DACH1: variants seen among roughly 807,000 people sequenced by gnomAD.
DACH1 encodes dachshund family transcription factor 1.
Under a neutral mutation model 54.2 loss-of-function variants are expected in DACH1, and 12 were observed. That is an observed-to-expected ratio of 0.22 (90% confidence interval 0.14 to 0.36). The LOEUF is 0.36. DACH1 is among the 10% of genes least tolerant of loss of function. The probability of loss-of-function intolerance (pLI) is 1.00; values close to 1 mark genes in which losing one functional copy is unlikely to be tolerated. For synonymous variants in DACH1, 386 were observed against 366.2 expected (o/e 1.05, Z -0.62); for missense variants, 805 against 929.8 (o/e 0.87, Z 1.75).
At chr13:71,545,865 A>G (rs1216080611) in intron 6 of DACH1, among the ~76,000 whole-genome samples, 1 of 152,030 alleles carries the variant, frequency 6.6e-6, no homozygotes, top group African/African-American at 2.4e-5. Context: ...AACATAAGGG[A>G]AGATAATTAT....
At chr13:71,531,900 C>A (rs1275930642) in intron 6 of DACH1, among the ~76,000 whole-genome samples, 1 of 151,712 alleles carries the variant, frequency 6.6e-6, no homozygotes, top group African/African-American at 2.4e-5. Context: ...ATTTTTATAT[C>A]ATTCTTTTGA....
Position 71,495,833 on chromosome 13 carries a change from G to A in DACH1, c.1571-6685C>T, listed in dbSNP as rs1456524800. Among the ~76,000 whole-genome samples, 7 of 152,118 alleles carry A rather than the reference G, an allele frequency of 4.6e-5. No homozygotes were observed. In the East Asian group the frequency reaches 1.2e-3, roughly 25 times the overall value. On this transcript the variant is annotated intron_variant, in intron 6 of 10. Coordinates refer to ENST00000613252, the MANE Select transcript of DACH1 (RefSeq NM_080759.6). ...ATACCAGCCCATAAGGAAAGAAATC[G>A]TTATATCAAAAAGATACTTGCACTT...
chr13:71,629,515 T>G (rs927447211), intron 3 of DACH1, among the ~76,000 whole-genome samples: 8 of 152,192 alleles, frequency 5.3e-5, no homozygotes, highest in Non-Finnish European at 1.0e-4. Flanking sequence ...AATATTCATG[T>G]CTGTGTATGT....
At chr13:71,535,040 A>G (rs180946667) in intron 6 of DACH1, among the ~76,000 whole-genome samples, 201 of 150,552 alleles carry the variant, frequency 1.3e-3, no homozygotes, top group African/African-American at 4.5e-3. Context: ...CCAGAATAAT[A>G]ACTTAACAAA....
chr13:71,702,979 A>G (rs544322935), intron 1 of DACH1, among the ~76,000 whole-genome samples: 4 of 152,202 alleles, frequency 2.6e-5, no homozygotes, highest in Non-Finnish European at 5.9e-5. Context: ...ATAGTCTAAC[A>G]TATTTATTGC....
At chr13:71,622,637 C>T (rs1594001536) in intron 3 of DACH1, among the ~76,000 whole-genome samples, 1 of 151,700 alleles carries the variant, frequency 6.6e-6, no homozygotes, top group Non-Finnish European at 1.5e-5. Flanking sequence ...TTGATAATTA[C>T]CATTTCCAGG....
chr13:71,480,956 C>T lies in DACH1; in HGVS notation c.1723-1640G>A, dbSNP rs141209375. Among the ~76,000 whole-genome samples the T allele has an allele frequency of 4.6e-5, 7 of 152,090 alleles. No homozygotes were observed. The South Asian group carries it at 1.5e-3, about 32-fold the overall frequency. On this transcript the variant is annotated intron_variant, in intron 7 of 10. Coordinates refer to ENST00000613252, the MANE Select transcript of DACH1 (RefSeq NM_080759.6). ...CCGTGGCAGGTTGCCCCTCCCCACT[C>T]TTTTGTTTAACAGTAAAACATAGCT...
chr13:71,510,267 T>G (rs1409225906), intron 6 of DACH1, among the ~76,000 whole-genome samples: 1 of 152,032 alleles, frequency 6.6e-6, no homozygotes, highest in East Asian at 1.9e-4. Flanking sequence ...ATGATCTCAT[T>G]CAGACACAAG....
chr13:71,805,076 G>T (rs1467554306), intron 1 of DACH1, among the ~76,000 whole-genome samples: 1 of 152,100 alleles, frequency 6.6e-6, no homozygotes, highest in African/African-American at 2.4e-5. Context: ...CATTTCAAGT[G>T]CTCAATACTC....
At chr13:71,849,791 A>G (rs1039618106) in intron 1 of DACH1, among the ~76,000 whole-genome samples, 6 of 152,220 alleles carry the variant, frequency 3.9e-5, no homozygotes, top group African/African-American at 1.4e-4. Context: ...TCCAGATATC[A>G]AATTCATTCA....
At chr13:71,799,500 C>T (rs1340986322) in intron 1 of DACH1, among the ~76,000 whole-genome samples, 1 of 152,090 alleles carries the variant, frequency 6.6e-6, no homozygotes, top group Non-Finnish European at 1.5e-5. Flanking sequence ...CATAGACAAA[C>T]AGTTTTACAA....
intron 1 of DACH1, among the ~76,000 whole-genome samples, chr13:71,756,206 T>C (rs1030735685): frequency 2.0e-5 from 3 of 151,398 alleles, no homozygotes; most frequent in African/African-American, 4.9e-5. Flanking sequence ...AATTTTTTTT[T>C]CTTTTTTTTT....
At chr13:71,618,496 C>CT (rs1566382397) in intron 3 of DACH1, among the ~76,000 whole-genome samples, 1 of 151,926 alleles carries the variant, frequency 6.6e-6, no homozygotes, top group African/African-American at 2.4e-5. Context: ...GCTTGTATTA[C>CT]TTTTTTCCTT....
chr13:71,460,112 G>T (rs1022476792), intron 10 of DACH1, among the ~76,000 whole-genome samples: 5 of 151,968 alleles, frequency 3.3e-5, no homozygotes, highest in African/African-American at 1.2e-4. Flanking sequence ...AGGCAACCAA[G>T]AACTGCATTT....
intron 3 of DACH1, among the ~76,000 whole-genome samples, chr13:71,592,822 A>G (rs942243369): frequency 4.6e-5 from 7 of 152,198 alleles, no homozygotes; most frequent in Non-Finnish European, 7.3e-5. Flanking sequence ...TTAAAGGTAA[A>G]GTATTCATCT....
At chr13:71,787,303 C>A (rs190404848) in intron 1 of DACH1, among the ~76,000 whole-genome samples, 2 of 152,258 alleles carry the variant, frequency 1.3e-5, no homozygotes, top group African/African-American at 4.8e-5. Flanking sequence ...GTACAGCTGG[C>A]AAATAAAGTC....
At chr13:71,682,556 T>C (rs1188286445) in intron 1 of DACH1, among the ~76,000 whole-genome samples, 1 of 152,184 alleles carries the variant, frequency 6.6e-6, no homozygotes, top group African/African-American at 2.4e-5. Context: ...TTTTTTGTCA[T>C]TTAAAAGATA....
intron 6 of DACH1, among the ~76,000 whole-genome samples, chr13:71,550,972 C>A (rs1349996233): frequency 1.3e-5 from 2 of 151,710 alleles, no homozygotes; most frequent in African/African-American, 2.4e-5. Context: ...ATACTCATGG[C>A]CCTATAATAT....
At chr13:71,865,778 G>T in intron 1 of DACH1, 144 bp downstream of exon 1, 1 of 1,257,548 alleles carries the variant, frequency 8.0e-7, no homozygotes, top group Non-Finnish European at 1.0e-6. Context: ...GGCGAGCCCC[G>T]AGCAGGGAGA....
Sources: gnomAD v4.1 joint callset for allele counts (sites outside exome capture counted in the v4.1 genomes callset) on GRCh38, gnomAD v4.1.1 for gene constraint, MANE v1.5 for transcripts, NCBI Gene and HGNC (gene_info 2026-07-23, HGNC 2026-07-21) for gene names.